The following GALM variants were observed in gnomAD, a reference collection of about 807,000 sequenced individuals.
GALM encodes aldose 1-epimerase.
In GALM, 43 loss-of-function variants were observed where a neutral mutation model predicts 37.4. The ratio of observed to expected loss-of-function variants is 1.15; its 90% CI spans 0.90 to 1.48. GALM has a LOEUF of 1.48. Among genes scored for constraint, GALM ranks in the 40% most tolerant of loss-of-function variants. The probability of loss-of-function intolerance (pLI) is 0.00; values close to 1 mark genes in which losing one functional copy is unlikely to be tolerated. For synonymous variants in GALM, 199 were observed against 170.6 expected, an observed-to-expected ratio of 1.17 and a Z score of -1.30; for missense variants, 456 against 419.1, an observed-to-expected ratio of 1.09 and a Z score of -0.77.
At chr2:38,704,099 G>A (rs1665987435) in intron 4 of GALM, among the ~76,000 whole-genome samples, 2 of 151,782 alleles carry the variant, frequency 1.3e-5, no homozygotes, top group Non-Finnish European at 2.9e-5. Context: ...TGAACTTGCT[G>A]CATCACCTTG....
chr2:38,732,691 C>A (rs903734867), intron 6 of GALM, among the ~76,000 whole-genome samples: 1 of 151,906 alleles, frequency 6.6e-6, no homozygotes, highest in Non-Finnish European at 1.5e-5. Flanking sequence ...GAGGCTGAGG[C>A]GGGAGGATTG....
At chr2:38,676,111 C>T (rs377107067) in intron 2 of GALM, 45 bp downstream of exon 2, 24 of 1,593,040 alleles carry the variant, frequency 1.5e-5, no homozygotes, top group African/African-American at 6.7e-5. Flanking sequence ...GCTCACTTTA[C>T]GCATACCTTC....
intron 4 of GALM, among the ~76,000 whole-genome samples, chr2:38,727,217 A>AG (rs1666504607): frequency 7.6e-6 from 1 of 132,274 alleles, no homozygotes; most frequent in African/African-American, 3.0e-5. Flanking sequence ...CTCCGTCTCA[A>AG]GAAAAAAAAA....
At chr2:38,728,873 G>A (rs111361875) in intron 4 of GALM, among the ~76,000 whole-genome samples, 8 of 152,220 alleles carry the variant, frequency 5.3e-5, no homozygotes, top group South Asian at 2.1e-4. Flanking sequence ...CTCCTGGGTG[G>A]GCCATAATTT....
intron 4 of GALM, among the ~76,000 whole-genome samples, chr2:38,690,207 C>T (rs1665640019): frequency 6.6e-6 from 1 of 152,044 alleles, no homozygotes; most frequent in South Asian, 2.1e-4. Flanking sequence ...CGCGGTGGCT[C>T]ACGCCTGTAA....
rs1478513085 is a variant in GALM at position 38,729,600 on chromosome 2, C to A, written c.679C>A (p.Pro227Thr). ...VQGTAFDLRK[P>T]VELGKHLQDF... ...AGGCACTGCATTCGACCTGAGAAAG[C>A]CAGTGGAGCTTGGAAAACACCTGCA... is the stretch of plus-strand genomic sequence containing the variant. Residue 227 changes from proline to threonine, a missense_variant, in exon 5 of 7, where the codon CCA becomes ACA. Transcript: ENST00000272252. 1.2e-6 allele frequency: 2 copies of A among 1,613,162 alleles called. No individual in the cohort carries two copies. Among genetic ancestry groups the A allele is most frequent in the Non-Finnish European group, 1.7e-6 (2 of 1,179,358 alleles).
intron 4 of GALM, among the ~76,000 whole-genome samples, chr2:38,719,537 G>C (rs1666334447): frequency 6.6e-6 from 1 of 151,398 alleles, no homozygotes; most frequent in Non-Finnish European, 1.5e-5. Flanking sequence ...CACTTTGGGA[G>C]GCTGAAGTGG....
intron 3 of GALM, among the ~76,000 whole-genome samples, chr2:38,684,496 G>T (rs1028481630): frequency 4.0e-5 from 6 of 151,846 alleles, no homozygotes; most frequent in African/African-American, 1.5e-4. Context: ...AACATAGAGA[G>T]ATCCCCCATC....
At chr2:38,712,605 C>T (rs1379952458) in intron 4 of GALM, among the ~76,000 whole-genome samples, 2 of 152,136 alleles carry the variant, frequency 1.3e-5, no homozygotes, top group African/African-American at 4.8e-5. Flanking sequence ...AGTTAATCCC[C>T]GCAGATAGTT....
chr2:38,722,924 C>T (rs563156504), intron 4 of GALM, among the ~76,000 whole-genome samples: 1 of 152,186 alleles, frequency 6.6e-6, no homozygotes, highest in East Asian at 1.9e-4. Context: ...CTTCAGTTGC[C>T]GGGGGCTCAA....
intron 3 of GALM, 121 bp downstream of exon 3, chr2:38,681,607 A>T: frequency 1.3e-6 from 1 of 791,732 alleles, no homozygotes; most frequent in South Asian, 1.5e-5. Flanking sequence ...TGATGATGAA[A>T]AGGGCCCAGC....
At chr2:38,700,601 A>T (rs574847849) in intron 4 of GALM, among the ~76,000 whole-genome samples, 1 of 151,754 alleles carries the variant, frequency 6.6e-6, no homozygotes, top group South Asian at 2.1e-4. Context: ...CCACCCTTTC[A>T]GTCTATGTGT....
rs1348364074 is a variant in GALM at position 38,733,879 on chromosome 2, CTT to C, written c.*316_*317del. 3.1e-5 allele frequency: 11 copies of C among 355,948 alleles called. No homozygotes were observed. The Admixed American group carries it at 3.8e-4, about 12-fold the overall frequency. The allele number at this position is 355,948 out of a possible 1,614,324, so 22.0% of individuals were successfully genotyped here. ...TTGGCTCCATCTCTCCACACTGCCT[CTT>C]TCTTTTCAACTTTTTGCCCTTCCTT... On this transcript the variant is annotated 3_prime_UTR_variant, in exon 7 of 7. Coordinates refer to ENST00000272252, the MANE Select transcript of GALM (RefSeq NM_138801.3).
chr2:38,730,319 T>C (rs1232058812), intron 5 of GALM, among the ~76,000 whole-genome samples: 1 of 152,236 alleles, frequency 6.6e-6, no homozygotes, highest in African/African-American at 2.4e-5. Flanking sequence ...CAGACTGGAA[T>C]GCAGTGGTGC....
chr2:38,689,252 C>T (rs1301177051), intron 3 of GALM, among the ~76,000 whole-genome samples: 2 of 152,210 alleles, frequency 1.3e-5, no homozygotes, highest in Admixed American at 6.5e-5. Context: ...CTTTGACTCC[C>T]CTGCAAAGGC....
chr2:38,688,144 A>G (rs994101775), intron 3 of GALM, among the ~76,000 whole-genome samples: 2 of 151,874 alleles, frequency 1.3e-5, no homozygotes, highest in Middle Eastern at 3.4e-3. Context: ...CCTGGGAGGC[A>G]GAGACTGCAG....
At chr2:38,677,641 T>A (rs1002147177) in intron 2 of GALM, among the ~76,000 whole-genome samples, 2 of 152,222 alleles carry the variant, frequency 1.3e-5, no homozygotes, top group African/African-American at 4.8e-5. Flanking sequence ...CCCTGTTCAC[T>A]GTGGCATTTT....
At chr2:38,679,818 T>C (rs1368370838) in intron 2 of GALM, among the ~76,000 whole-genome samples, 1 of 152,156 alleles carries the variant, frequency 6.6e-6, no homozygotes, top group African/African-American at 2.4e-5. Context: ...TTACCTACTT[T>C]AAGTCTGCTT....
At position 38,731,712 on chromosome 2, in the gene GALM, ATGT is replaced by A. The variant is rs751874187; in HGVS notation, c.777-18_777-16del. The A allele has an allele frequency of 9.4e-6, 15 of 1,603,954 alleles. No homozygotes were observed. In the African/African-American group the frequency reaches 1.7e-4, roughly 19 times the overall value. Reference sequence around the variant, plus strand: ...CCACCTGCTTTTCTGCCCTGGACTCATGTTGTTTGTATTTCTTACCAGGGTGCA... The same window carrying A: ...CCACCTGCTTTTCTGCCCTGGACTCATGTTTGTATTTCTTACCAGGGTGCA... On this transcript the variant is annotated intron_variant, in intron 5 of 6. Transcript: ENST00000272252.
Sources: gnomAD v4.1 joint callset for allele counts (sites outside exome capture counted in the v4.1 genomes callset) on GRCh38, gnomAD v4.1.1 for gene constraint, MANE v1.5 for transcripts, NCBI Gene and HGNC (gene_info 2026-07-23, HGNC 2026-07-21) for gene names.